Variants in SAMMSON observed in about 807,000 individuals in gnomAD.
The protein encoded by SAMMSON is survival associated mitochondrial melanoma specific oncogenic non-coding RNA.
chr3:70,040,147 A>T (rs1244712303), intron 3 of SAMMSON, among the ~76,000 whole-genome samples: 1 of 152,166 alleles, frequency 6.6e-6, no homozygotes, highest in African/African-American at 2.4e-5. Context: ...TTGAGTCCAC[A>T]TCTATATGAT....
chr3:70,092,322 G>A (rs2067307788), intron 4 of SAMMSON, among the ~76,000 whole-genome samples: 1 of 151,808 alleles, frequency 6.6e-6, no homozygotes. Context: ...TATACATGAT[G>A]GACACTTCTG....
chr3:70,280,897 G>A (rs920954962), intron 6 of SAMMSON, among the ~76,000 whole-genome samples: 6 of 152,108 alleles, frequency 3.9e-5, no homozygotes, highest in Admixed American at 6.6e-5. Context: ...TAAACAGATA[G>A]GACTTGCTGG....
chr3:70,042,327 A>G (rs1020551945), intron 3 of SAMMSON, among the ~76,000 whole-genome samples: 2 of 152,088 alleles, frequency 1.3e-5, no homozygotes, highest in African/African-American at 4.8e-5. Flanking sequence ...AACAGCTTTG[A>G]GCAATTTCTT....
chr3:70,311,066 A>T (rs1035445473), intron 7 of SAMMSON, among the ~76,000 whole-genome samples: 1 of 152,190 alleles, frequency 6.6e-6, no homozygotes, highest in African/African-American at 2.4e-5. Context: ...TATTGTTATC[A>T]TTATTTTGGT....
At chr3:70,292,879 A>G (rs551116315) in intron 7 of SAMMSON, among the ~76,000 whole-genome samples, 4 of 152,126 alleles carry the variant, frequency 2.6e-5, no homozygotes, top group African/African-American at 9.6e-5. Flanking sequence ...ATACTATATA[A>G]TGAACTTTCA....
At chr3:70,331,812 C>A (rs1702623725) in intron 7 of SAMMSON, among the ~76,000 whole-genome samples, 1 of 152,190 alleles carries the variant, frequency 6.6e-6, no homozygotes. Flanking sequence ...AGAAGACTGT[C>A]ATATTCAGAT....
chr3:70,123,889 G>A (rs1394834351), intron 4 of SAMMSON, among the ~76,000 whole-genome samples: 1 of 152,222 alleles, frequency 6.6e-6, no homozygotes, highest in Admixed American at 6.5e-5. Flanking sequence ...GTATCAGAAT[G>A]AAATGGAGCC....
intron 7 of SAMMSON, among the ~76,000 whole-genome samples, chr3:70,347,499 A>T (rs1702760573): frequency 6.6e-6 from 1 of 152,174 alleles, no homozygotes; most frequent in Non-Finnish European, 1.5e-5. Context: ...CCGAGGAAGT[A>T]TATGCTATGC....
intron 6 of SAMMSON, among the ~76,000 whole-genome samples, chr3:70,279,538 G>A (rs1702060421): frequency 1.3e-5 from 2 of 152,212 alleles, no homozygotes; most frequent in East Asian, 1.9e-4. Context: ...TGCCAAATGT[G>A]TCACCCCATC....
intron 7 of SAMMSON, among the ~76,000 whole-genome samples, chr3:70,329,530 A>T (rs938257708): frequency 5.9e-5 from 9 of 151,366 alleles, no homozygotes; most frequent in Non-Finnish European, 1.2e-4. Flanking sequence ...TTATAGAAAA[A>T]ATTCAGGGGC....
In SAMMSON at chr3:70,245,295, T is replaced by G. The variant is rs571613019; in HGVS notation, n.508-3812T>G. Among the ~76,000 whole-genome samples the G allele has an allele frequency of 1.1e-4, 16 of 152,182 alleles. No homozygotes were observed. In the South Asian group the frequency reaches 3.3e-3, roughly 32 times the overall value. ...TGAAATTTTGGTGATATAAAATTAC[T>G]TTTGGATAACATTTTCCTCTCTCAT... On this transcript the variant is annotated intron_variant and non_coding_transcript_variant, in intron 4 of 9. Transcript: ENST00000642114.
At chr3:70,283,909 A>G (rs375627814) in intron 6 of SAMMSON, 1 of 152,130 alleles carries the variant, frequency 6.6e-6, no homozygotes, top group Non-Finnish European at 1.5e-5. Flanking sequence ...TATTTAATAC[A>G]TGTGCTATTA....
At chr3:70,093,680 G>A (rs879822478) in intron 4 of SAMMSON, among the ~76,000 whole-genome samples, 54 of 152,150 alleles carry the variant, frequency 3.5e-4, no homozygotes, top group Non-Finnish European at 2.5e-4. Flanking sequence ...ATGCAAAGAA[G>A]GAGTCAAGAT....
chr3:70,423,051 A>G (rs953367753), intron 2 of SAMMSON, among the ~76,000 whole-genome samples: 1 of 152,080 alleles, frequency 6.6e-6, no homozygotes, highest in African/African-American at 2.4e-5. Flanking sequence ...CATTACATGA[A>G]AAAAACAAGT....
intron 7 of SAMMSON, among the ~76,000 whole-genome samples, chr3:70,320,863 T>C (rs1702534158): frequency 6.6e-6 from 1 of 152,064 alleles, no homozygotes; most frequent in African/African-American, 2.4e-5. Flanking sequence ...AAATTTTGCA[T>C]GTGAGGGAAA....
chr3:70,314,390 T>C (rs1702480990), intron 7 of SAMMSON, among the ~76,000 whole-genome samples: 1 of 152,216 alleles, frequency 6.6e-6, no homozygotes. Flanking sequence ...AGTTACAGTG[T>C]TTGATGTCAC....
At chr3:70,119,149 G>A (rs534235680) in intron 4 of SAMMSON, among the ~76,000 whole-genome samples, 8 of 152,044 alleles carry the variant, frequency 5.3e-5, no homozygotes, top group African/African-American at 1.4e-4. Flanking sequence ...TCACTGCAAC[G>A]TCCACCTCTT....
chr3:70,430,355 T>A (rs1213077623), intron 2 of SAMMSON, among the ~76,000 whole-genome samples: 1 of 152,186 alleles, frequency 6.6e-6, no homozygotes, highest in African/African-American at 2.4e-5. Flanking sequence ...GATGTGCTGC[T>A]GGATTCGGTA....
intron 4 of SAMMSON, among the ~76,000 whole-genome samples, chr3:70,074,219 TAAA>T (rs1361053675): frequency 1.3e-5 from 2 of 152,084 alleles, no homozygotes; most frequent in Non-Finnish European, 1.5e-5. Context: ...ATGTTAAATA[TAAA>T]AACCATTTTC....
Sources: gnomAD v4.1 joint callset for allele counts (sites outside exome capture counted in the v4.1 genomes callset) on GRCh38, gnomAD v4.1.1 for gene constraint, MANE v1.5 for transcripts, NCBI Gene and HGNC (gene_info 2026-07-23, HGNC 2026-07-21) for gene names.